The following LOC101059915 variants were observed in gnomAD, a reference collection of about 807,000 sequenced individuals.
At chrX:71,670,726 T>A in the LOC101059915 span, 1 of 1,094,616 alleles carries the variant, frequency 9.1e-7, no homozygotes. Context: ...GTGGTGGGGG[T>A]GGACTGCAGG....
the LOC101059915 span, chrX:71,670,920 G>A: frequency 2.8e-5 from 21 of 752,400 alleles, no homozygotes; most frequent in Non-Finnish European, 3.1e-5. Flanking sequence ...GATACCTTAT[G>A]TGTTTTCCTT....
the LOC101059915 span, chrX:71,670,112 C>A: frequency 1.3e-6 from 1 of 765,142 alleles, no homozygotes; most frequent in Non-Finnish European, 1.9e-6. Context: ...ACAGGGAAGA[C>A]CGTCCCAGAG....
the LOC101059915 span, chrX:71,670,340 G>C: frequency 8.6e-7 from 1 of 1,165,577 alleles, no homozygotes; most frequent in Non-Finnish European, 1.1e-6. Context: ...CTCGGGTAAT[G>C]CTTTGTGTGG....
At chrX:71,668,151 C>T in the LOC101059915 span, 2 of 1,136,507 alleles carry the variant, frequency 1.8e-6, no homozygotes, top group Non-Finnish European at 2.3e-6. Context: ...TGCCGCCGTC[C>T]AGCGTCCAGG....
chrX:71,668,070 C>T, the LOC101059915 span: 4 of 1,154,661 alleles, frequency 3.5e-6, no homozygotes, highest in South Asian at 2.0e-5. Flanking sequence ...GCCGGCCTGG[C>T]ACCCCGGTCG....
chrX:71,670,450 AGAGT>A, the LOC101059915 span: 25 of 1,111,043 alleles, frequency 2.3e-5, no homozygotes, highest in Non-Finnish European at 2.8e-5. Context: ...TACCCCATGC[AGAGT>A]GAGTGCCTCC....
chrX:71,669,883 CCT>C, the LOC101059915 span, among the ~76,000 whole-genome samples: 1 of 81,147 alleles, frequency 1.2e-5, no homozygotes, highest in Non-Finnish European at 2.4e-5. Flanking sequence ...GCCACATCGT[CCT>C]CTCTGAGTGG....
the LOC101059915 span, chrX:71,668,353 A>G: frequency 8.8e-7 from 1 of 1,141,608 alleles, no homozygotes; most frequent in Non-Finnish European, 1.2e-6. Context: ...GGGCTCGAAG[A>G]GCAGATTGAG....
the LOC101059915 span, chrX:71,668,392 G>A: frequency 5.2e-6 from 6 of 1,154,346 alleles, no homozygotes; most frequent in East Asian, 2.0e-4. Context: ...GCAGCCCTCC[G>A]CGGAAGGCCC....
At chrX:71,668,528 A>T in the LOC101059915 span, 110 of 1,138,597 alleles carry the variant, frequency 9.7e-5, no homozygotes, top group Non-Finnish European at 1.9e-5. Flanking sequence ...AAGCCAGGAG[A>T]CACTTGCGGA....
At chrX:71,667,697 C>G in the LOC101059915 span, 1 of 845,189 alleles carries the variant, frequency 1.2e-6, no homozygotes, top group Non-Finnish European at 1.5e-6. Context: ...AGGCTCAAAG[C>G]TGAGAGTGGC....
chrX:71,671,129 G>A, the LOC101059915 span: 1 of 1,159,430 alleles, frequency 8.6e-7, no homozygotes, highest in African/African-American at 1.8e-5. Context: ...TGCAGGGCTA[G>A]GTTTTTCCCC....
At chrX:71,669,196 A>G in the LOC101059915 span, among the ~76,000 whole-genome samples, 2 of 111,560 alleles carry the variant, frequency 1.8e-5, no homozygotes, top group African/African-American at 3.3e-5. Flanking sequence ...GAGCCCAGGG[A>G]CACTAGGATG....
the LOC101059915 span, chrX:71,670,575 CT>C: frequency 9.1e-7 from 1 of 1,097,753 alleles, no homozygotes; most frequent in Non-Finnish European, 1.2e-6. Context: ...CCAGAATTGA[CT>C]AACCATTTCT....
chrX:71,670,571 T>C, the LOC101059915 span: 1 of 1,097,434 alleles, frequency 9.1e-7, no homozygotes, highest in Non-Finnish European at 1.2e-6. Context: ...GAAGCCAGAA[T>C]TGACTAACCA....
At chrX:71,668,814 G>C in the LOC101059915 span, 1 of 1,084,086 alleles carries the variant, frequency 9.2e-7, no homozygotes, top group Non-Finnish European at 1.2e-6. Context: ...AACTGGCCCT[G>C]CGGGGAGCCT....
the LOC101059915 span, chrX:71,667,810 T>C: frequency 9.4e-7 from 1 of 1,061,534 alleles, no homozygotes. Flanking sequence ...CGCCATGAGC[T>C]CCACGGATGA....
At chrX:71,670,874 T>C in the LOC101059915 span, 1 of 754,326 alleles carries the variant, frequency 1.3e-6, no homozygotes. Context: ...ACACTTTGTC[T>C]ACAAGTCCCA....
At chrX:71,668,261 C>T in the LOC101059915 span, 4 of 1,130,220 alleles carry the variant, frequency 3.5e-6, no homozygotes, top group African/African-American at 1.8e-5. Flanking sequence ...AGCCCCAGCC[C>T]TGGAGAATGG....
Sources: allele counts gnomAD v4.1 joint callset (sites outside exome capture counted in the v4.1 genomes callset), GRCh38; gene constraint gnomAD v4.1.1; transcripts MANE v1.5.